Variants in FRAS1 observed in about 807,000 individuals in gnomAD.
The protein encoded by FRAS1 is extracellular matrix organizing protein FRAS1.
In FRAS1, 290 loss-of-function variants were observed where a neutral mutation model predicts 435.2. That is an observed-to-expected ratio of 0.67 (90% CI 0.61 to 0.73). The LOEUF (loss-of-function observed/expected upper bound fraction) is 0.73. Ranked by LOEUF, FRAS1 falls within the 30% of genes least tolerant of loss-of-function variation. The probability of loss-of-function intolerance (pLI) is 0.00; values close to 1 mark genes in which losing one functional copy is unlikely to be tolerated. For synonymous variants in FRAS1, 1,800 were observed against 1,851.0 expected (o/e 0.97, Z 0.71); for missense variants, 4,860 against 5,001.5 (o/e 0.97, Z 0.85).
intron 6 of FRAS1, 41 bp downstream of exon 6, chr4:78,255,416 TGAA>T: frequency 2.0e-6 from 3 of 1,536,490 alleles, no homozygotes; most frequent in Non-Finnish European, 2.6e-6. Context: ...CACGGGCTAT[TGAA>T]GAACTTGGAG....
In FRAS1 at chr4:78,202,308, A is replaced by C. The variant is rs549694092; in HGVS notation, c.109-35202A>C. ...TTTTCCAAATTCGTGCCCCCTCATTAAGCCCACTCTCTGGATGGAGCAGTG... is the reference window on the plus strand; with the variant it reads ...TTTTCCAAATTCGTGCCCCCTCATTCAGCCCACTCTCTGGATGGAGCAGTG... On this transcript the variant is annotated intron_variant, in intron 2 of 73. Coordinates refer to ENST00000512123, the MANE Select transcript of FRAS1 (RefSeq NM_025074.7). 3.9e-5 allele frequency among the ~76,000 whole-genome samples: 6 copies of C among 152,316 alleles called. No homozygotes were observed. The South Asian group carries it at 1.2e-3, about 32-fold the overall frequency.
At chr4:78,387,737 C>A in intron 29 of FRAS1, 36 bp downstream of exon 29, 2 of 1,358,164 alleles carry the variant, frequency 1.5e-6, no homozygotes, top group African/African-American at 1.4e-5. Flanking sequence ...TTTCTTTGCA[C>A]CTAGATGTGA....
rs1722141669 is a variant in FRAS1 at position 78,544,213 on chromosome 4, C to T, written c.*3089C>T. The T allele has an allele frequency of 6.6e-6, 1 of 152,598 alleles. No homozygotes were observed. The highest frequency in any genetic ancestry group is 1.5e-5 in the Non-Finnish European group (1 of 68,040). The allele number at this position is 152,598 out of a possible 1,614,324, so 9.5% of individuals were successfully genotyped here. On this transcript the variant is annotated 3_prime_UTR_variant, in exon 74 of 74. Transcript: ENST00000512123. Reference sequence around the variant, plus strand: ...TGTGTGTTATGAATTTCTGATTTCTCCAATAGTATATGCCACTATATAAAT... The same window carrying T: ...TGTGTGTTATGAATTTCTGATTTCTTCAATAGTATATGCCACTATATAAAT...
chr4:78,508,458 AT>A (rs1167161655), intron 62 of FRAS1, among the ~76,000 whole-genome samples: 1 of 152,172 alleles, frequency 6.6e-6, no homozygotes, highest in Non-Finnish European at 1.5e-5. Context: ...AAATCAGAGT[AT>A]TTTTTTACAT....
Position 78,541,143 on chromosome 4 carries a change from AT to A in FRAS1, c.*26del, listed in dbSNP as rs748439245. 5 of 1,287,886 alleles carry A rather than the reference AT, an allele frequency of 3.9e-6. No individual in the cohort carries two copies. Among genetic ancestry groups the A allele is most frequent in the South Asian group, 6.0e-5 (2 of 33,220 alleles). The allele number at this position is 1,287,886 out of a possible 1,614,324, so 79.8% of individuals were successfully genotyped here. On this transcript the variant is annotated 3_prime_UTR_variant, in exon 74 of 74. Transcript: ENST00000512123. The stretch of plus-strand genomic sequence containing the variant: ...AGTTTAATGGAGGAGACCTATGTGT[AT>A]TTTTTTCTAAAATCATTTTTATAAA...
chr4:78,387,607 A>G lies in FRAS1; in HGVS notation c.3881A>G (p.Asp1294Gly), dbSNP rs373207218. 52 of 1,613,376 alleles carry G rather than the reference A, an allele frequency of 3.2e-5. No homozygotes were observed. The highest frequency in any genetic ancestry group is 4.3e-5 in the Non-Finnish European group (51 of 1,179,628). Residue 1294 changes from aspartate to glycine, a missense_variant, in exon 29 of 74, where the codon GAT becomes GGT. Physicochemically the swap from Asp to Gly is moderately conservative, Grantham distance 94. Coordinates refer to ENST00000512123, the MANE Select transcript of FRAS1 (RefSeq NM_025074.7). ...AGAGGCCTTCTCCACTATGCTCATG[A>G]TGGTTCAGACAGCACATCCGATGTT... ...LSRGLLHYAH[D>G]GSDSTSDVAV...
At chr4:78,465,012 A>C (rs1350089407) in intron 49 of FRAS1, among the ~76,000 whole-genome samples, 1 of 152,208 alleles carries the variant, frequency 6.6e-6, no homozygotes, top group Admixed American at 6.5e-5. Context: ...TTACAATTTG[A>C]GCCTCCTCAA....
intron 23 of FRAS1, 151 bp from the exon 24 acceptor site, chr4:78,372,567 A>G (rs751926987): frequency 1.1e-6 from 1 of 873,542 alleles, no homozygotes; most frequent in Non-Finnish European, 1.8e-6. Context: ...GGCTACTACA[A>G]GTGGAAACCT....
intron 2 of FRAS1, among the ~76,000 whole-genome samples, chr4:78,226,942 T>C (rs1030349291): frequency 2.0e-5 from 3 of 152,244 alleles, no homozygotes; most frequent in African/African-American, 7.2e-5. Flanking sequence ...TCTTTAGGTA[T>C]AGCCAGTCTG....
rs529569633 is a variant in FRAS1 at position 78,133,696 on chromosome 4, A to G, written c.108+67680A>G. Among the ~76,000 whole-genome samples the G allele has an allele frequency of 3.3e-5, 5 of 152,342 alleles. No homozygotes were observed. The East Asian group carries it at 9.7e-4, about 29-fold the overall frequency. ...TTTAATGTGTATTTTCCTAAAAAATATGCCTGTGCAAGATAAGCAACGTAA... is the reference window on the plus strand; with the variant it reads ...TTTAATGTGTATTTTCCTAAAAAATGTGCCTGTGCAAGATAAGCAACGTAA... On this transcript the variant is annotated intron_variant, in intron 2 of 73. Coordinates refer to ENST00000512123, the MANE Select transcript of FRAS1 (RefSeq NM_025074.7).
chr4:78,430,626 C>T (rs1734177803), intron 37 of FRAS1, among the ~76,000 whole-genome samples: 2 of 152,132 alleles, frequency 1.3e-5, no homozygotes, highest in Admixed American at 6.5e-5. Context: ...CCCGGCCCCA[C>T]CTTGAACCCT....
At chr4:78,230,353 A>G (rs2110107049) in intron 2 of FRAS1, among the ~76,000 whole-genome samples, 1 of 152,352 alleles carries the variant, frequency 6.6e-6, no homozygotes, top group Middle Eastern at 3.4e-3. Flanking sequence ...AATTTAATGT[A>G]AATACAAAGT....
At chr4:78,195,426 C>T (rs1197768573) in intron 2 of FRAS1, among the ~76,000 whole-genome samples, 1 of 152,224 alleles carries the variant, frequency 6.6e-6, no homozygotes, top group Non-Finnish European at 1.5e-5. Context: ...TCACCCAGTT[C>T]GAGCTTCCTG....
At chr4:78,133,928 A>G (rs1297942470) in intron 2 of FRAS1, among the ~76,000 whole-genome samples, 1 of 151,568 alleles carries the variant, frequency 6.6e-6, no homozygotes, top group Non-Finnish European at 1.5e-5. Context: ...GTTTTAAGAA[A>G]GGTGAGGGAG....
At chr4:78,532,516 T>G (rs1251967695) in intron 70 of FRAS1, among the ~76,000 whole-genome samples, 1 of 152,204 alleles carries the variant, frequency 6.6e-6, no homozygotes. Flanking sequence ...CACACGTGTG[T>G]GTGTATGATA....
intron 2 of FRAS1, among the ~76,000 whole-genome samples, chr4:78,161,259 T>A (rs1197409619): frequency 4.6e-5 from 7 of 152,188 alleles, no homozygotes; most frequent in Non-Finnish European, 1.0e-4. Flanking sequence ...AGATCTCTAA[T>A]CCATAGGTTA....
intron 64 of FRAS1, among the ~76,000 whole-genome samples, chr4:78,512,312 A>G (rs937405248): frequency 6.6e-6 from 1 of 152,226 alleles, no homozygotes; most frequent in Non-Finnish European, 1.5e-5. Flanking sequence ...TGAATAAAAC[A>G]TGTTTGAATG....
At chr4:78,077,197 AACACACAC>A (rs10535451) in intron 2 of FRAS1, among the ~76,000 whole-genome samples, 2 of 149,932 alleles carry the variant, frequency 1.3e-5, no homozygotes, top group African/African-American at 2.5e-5. Flanking sequence ...GACACACAGA[AACACACAC>A]ACACACACAC....
At chr4:78,117,556 C>T (rs538130275) in intron 2 of FRAS1, among the ~76,000 whole-genome samples, 5 of 152,286 alleles carry the variant, frequency 3.3e-5, no homozygotes, top group African/African-American at 1.2e-4. Context: ...CTCTAAACTT[C>T]TCTTCTCGCT....
Sources: gnomAD v4.1 joint callset for allele counts (sites outside exome capture counted in the v4.1 genomes callset) on GRCh38, gnomAD v4.1.1 for gene constraint, MANE v1.5 for transcripts, NCBI Gene and HGNC (gene_info 2026-07-23, HGNC 2026-07-21) for gene names.